The following KCNMA1 variants were observed in gnomAD, a reference collection of about 807,000 sequenced individuals.
KCNMA1 encodes the protein potassium calcium-activated channel subfamily M alpha 1.
A neutral mutation model predicts 140.0 loss-of-function variants in KCNMA1; 29 were observed. The ratio of observed to expected loss-of-function variants is 0.21; its 90% CI spans 0.15 to 0.28. The LOEUF (loss-of-function observed/expected upper bound fraction) is 0.28, where lower values mean the gene tolerates loss of function less well. KCNMA1 is among the 10% of genes least tolerant of loss of function. KCNMA1 has a pLI of 1.00. For synonymous variants in KCNMA1, 612 were observed against 611.9 expected (o/e 1.00, Z 0.00); for missense variants, 880 against 1,602.2 (o/e 0.55, Z 7.70).
intron 20 of KCNMA1, among the ~76,000 whole-genome samples, chr10:76,963,269 G>A (rs956734654): frequency 5.3e-5 from 8 of 152,156 alleles, no homozygotes; most frequent in Non-Finnish European, 5.9e-5. Flanking sequence ...CAGACCAGCC[G>A]CATCAGCATC....
chr10:77,413,204 T>C (rs547042817), intron 1 of KCNMA1, among the ~76,000 whole-genome samples: 2 of 152,296 alleles, frequency 1.3e-5, no homozygotes, highest in Admixed American at 6.5e-5. Flanking sequence ...ACAATAACTA[T>C]GACATCCTGT....
At chr10:77,468,060 T>G (rs1212006612) in intron 1 of KCNMA1, among the ~76,000 whole-genome samples, 2 of 152,162 alleles carry the variant, frequency 1.3e-5, no homozygotes, top group African/African-American at 2.4e-5. Context: ...CAGGCTGGAG[T>G]GCAGTGGTGC....
intron 2 of KCNMA1, among the ~76,000 whole-genome samples, chr10:77,279,553 C>G (rs2395463): frequency 0.62 from 94,325 of 152,016 alleles, 30,230 homozygotes; most frequent in African/African-American, 0.69. Flanking sequence ...GAGATAAATG[C>G]CAAGCCCAAA....
intron 3 of KCNMA1, 126 bp from the exon 4 acceptor site, chr10:77,185,042 T>G (rs941335548): frequency 1.1e-5 from 8 of 727,508 alleles, no homozygotes; most frequent in Non-Finnish European, 1.7e-5. Context: ...AAGAAAACAT[T>G]TGGTCTTTCT....
chr10:77,589,592 T>C (rs181852282), intron 1 of KCNMA1, among the ~76,000 whole-genome samples: 120 of 152,256 alleles, frequency 7.9e-4, no homozygotes, highest in African/African-American at 2.8e-3. Flanking sequence ...GGGTTCTTGG[T>C]CTGACTTCAA....
intron 1 of KCNMA1, among the ~76,000 whole-genome samples, chr10:77,578,694 T>C (rs904057075): frequency 6.6e-6 from 1 of 152,206 alleles, no homozygotes; most frequent in African/African-American, 2.4e-5. Flanking sequence ...GCTCTGCCTC[T>C]CTCGGGACTC....
chr10:77,226,533 C>T (rs1487189473), intron 3 of KCNMA1, among the ~76,000 whole-genome samples: 1 of 151,954 alleles, frequency 6.6e-6, no homozygotes, highest in Non-Finnish European at 1.5e-5. Flanking sequence ...CCTGCAGCCA[C>T]AAACATTTGT....
rs201028490 is a variant in KCNMA1, at chr10:77,184,919, A to G, written c.603-3T>C. 1.3e-6 allele frequency: 2 copies of G among 1,574,452 alleles called. No homozygotes were observed. Among genetic ancestry groups the G allele is most frequent in the Non-Finnish European group, 1.7e-6 (2 of 1,144,094 alleles). ...AATTCTGGCAGGATTCTATTGGGCT[A>G]TTAGACAGGAAGAAGAAAAAGCAAG... On this transcript the variant is annotated splice_polypyrimidine_tract_variant and splice_region_variant and intron_variant, in intron 3 of 27. Transcript: ENST00000286628.
At chr10:77,526,171 A>T (rs1230149722) in intron 1 of KCNMA1, among the ~76,000 whole-genome samples, 2 of 152,124 alleles carry the variant, frequency 1.3e-5, no homozygotes, top group African/African-American at 4.8e-5. Flanking sequence ...GGGTGAAGAA[A>T]AGAAAGGGCC....
exon 30 of KCNMA1, chr10:76,877,857 G>C: frequency 6.2e-7 from 1 of 1,610,152 alleles, no homozygotes; most frequent in Admixed American, 1.7e-5. Context: ...TCTGGGATAG[G>C]CATTATCCGG....
At chr10:77,531,465 A>G (rs914596282) in intron 1 of KCNMA1, among the ~76,000 whole-genome samples, 1 of 152,184 alleles carries the variant, frequency 6.6e-6, no homozygotes, top group African/African-American at 2.4e-5. Context: ...AGCAAGGTCA[A>G]GGTTTATTCC....
Position 77,637,588 on chromosome 10 carries a change from C to T in KCNMA1, c.55G>A (p.Gly19Arg), listed in dbSNP as rs2154572188. Residue 19 changes from glycine (G) to arginine (R), a missense_variant, in exon 1 of 28, where the codon GGA becomes AGA. Around this residue, in one of 13 missense-constraint regions of KCNMA1, gnomAD observed 94 missense variants for 92.4 expected, o/e 1.02. Transcript: ENST00000286628. Reference protein sequence around the residue: ...GGSSGGGGGGGGSSLRMSSNI... With the variant: ...GGSSGGGGGGRGSSLRMSSNI... ...CTACTCATTCTAAGACTGCTGCCTC[C>T]GCCGCCGCCGCCGCCGCCGCTGCTG... The T allele has an allele frequency of 3.4e-6, 5 of 1,464,662 alleles. No individual in the cohort carries two copies. Among genetic ancestry groups the T allele is most frequent in the Non-Finnish European group, 4.6e-6 (5 of 1,096,926 alleles). The allele number at this position is 1,464,662 out of a possible 1,614,324, so 90.7% of individuals were successfully genotyped here.
intron 20 of KCNMA1, among the ~76,000 whole-genome samples, chr10:76,955,221 T>C (rs1342445589): frequency 1.3e-4 from 19 of 148,788 alleles, no homozygotes; most frequent in Non-Finnish European, 2.1e-4. Context: ...TTAGACAGAG[T>C]CTCGCTCTGC....
intron 25 of KCNMA1, among the ~76,000 whole-genome samples, chr10:76,909,057 C>A (rs1438320681): frequency 6.6e-6 from 1 of 152,152 alleles, no homozygotes; most frequent in Non-Finnish European, 1.5e-5. Flanking sequence ...GATCCCTGGG[C>A]CAGCCCACTG....
intron 2 of KCNMA1, among the ~76,000 whole-genome samples, chr10:77,401,911 A>G (rs539027266): frequency 2.0e-5 from 3 of 152,262 alleles, no homozygotes; most frequent in Admixed American, 6.5e-5. Context: ...CATTCCTTCA[A>G]TAACTTCCGC....
chr10:77,272,551 AG>A (rs1235270025), intron 2 of KCNMA1, among the ~76,000 whole-genome samples: 1 of 152,188 alleles, frequency 6.6e-6, no homozygotes, highest in East Asian at 1.9e-4. Flanking sequence ...ATGACTGGGA[AG>A]AATAAAGCAC....
chr10:77,470,941 CT>C (rs1679701764), intron 1 of KCNMA1, among the ~76,000 whole-genome samples: 1 of 152,078 alleles, frequency 6.6e-6, no homozygotes, highest in Admixed American at 6.6e-5. Context: ...GCAAGAGGGC[CT>C]CCTGCCCTCA....
rs770925732 is a variant in KCNMA1, at chr10:77,120,996, C to T, written c.861G>A (p.Gln287=). 4 of 1,604,044 alleles carry T rather than the reference C, an allele frequency of 2.5e-6. No homozygotes were observed. The African/African-American group carries it at 5.4e-5, about 21-fold the overall frequency. ...ACCTTGTTTTAAGAATATTCAGAAA[C>T]TGCAAAATTTCTGAAAACTGTATCA... The part of the protein sequence containing the change: ...LRLIQFSEIL[Q]FLNILKTSNS... Residue 287 remains glutamine (Q), a synonymous_variant, in exon 6 of 28, where the codon CAG becomes CAA. Coordinates refer to ENST00000286628, the MANE Select transcript of KCNMA1 (RefSeq NM_001161352.2).
intron 1 of KCNMA1, among the ~76,000 whole-genome samples, chr10:77,499,422 T>TATATATATATATATATAC (rs1390141467): frequency 9.5e-6 from 1 of 105,690 alleles, no homozygotes; most frequent in Admixed American, 9.8e-5. Flanking sequence ...TATATATATA[T>TATATATATATATATATAC]ACACACACAC....
Sources: gnomAD v4.1 joint callset for allele counts (sites outside exome capture counted in the v4.1 genomes callset) on GRCh38, gnomAD v4.1.1 for gene constraint, gnomAD v4.1.1 regional missense constraint, MANE v1.5 for transcripts, NCBI Gene and HGNC (gene_info 2026-07-23, HGNC 2026-07-21) for gene names.